CNDP1: variants seen among roughly 807,000 people sequenced by gnomAD.
CNDP1 encodes carnosine dipeptidase 1, also known as beta-Ala-His dipeptidase.
In CNDP1, 44 loss-of-function variants were observed where a neutral mutation model predicts 58.1. That is an observed-to-expected ratio of 0.76 (90% CI 0.60 to 0.97). CNDP1 has a LOEUF of 0.97. CNDP1 is among the 50% of genes least tolerant of loss of function. The probability of loss-of-function intolerance (pLI) is 0.00; values close to 1 mark genes in which losing one functional copy is unlikely to be tolerated. For synonymous variants in CNDP1, 254 were observed against 252.6 expected (o/e 1.01, Z -0.05); for missense variants, 616 against 655.1 (o/e 0.94, Z 0.65).
chr18:74,572,567 C>A (rs1359848506), intron 7 of CNDP1, among the ~76,000 whole-genome samples: 1 of 151,896 alleles, frequency 6.6e-6, no homozygotes, highest in Non-Finnish European at 1.5e-5. Context: ...GTGGGTGGAT[C>A]AGTTGAGCTC....
At position 74,584,583 on chromosome 18, in the gene CNDP1, G is replaced by C; in HGVS notation, c.*21G>C. 1 of 1,587,730 alleles carries C rather than the reference G, an allele frequency of 6.3e-7. No individual in the cohort carries two copies. The highest frequency in any genetic ancestry group is 8.6e-7 in the Non-Finnish European group (1 of 1,156,150). The stretch of plus-strand genomic sequence containing the variant: ...ATTAATCACAAGAACCTTCTAGTCT[G>C]ATCTGATCCACTGACAGATTCACCT... On this transcript the variant is annotated 3_prime_UTR_variant, in exon 12 of 12. Coordinates refer to ENST00000358821, the MANE Select transcript of CNDP1 (RefSeq NM_032649.6).
chr18:74,573,984 A>C (rs1981565160), intron 7 of CNDP1, among the ~76,000 whole-genome samples: 1 of 152,198 alleles, frequency 6.6e-6, no homozygotes, highest in Admixed American at 6.5e-5. Context: ...CATAGTGTTG[A>C]GCTTTAGTGT....
intron 1 of CNDP1, among the ~76,000 whole-genome samples, chr18:74,550,998 G>A (rs984136469): frequency 7.2e-5 from 11 of 152,098 alleles, no homozygotes; most frequent in African/African-American, 1.9e-4. Flanking sequence ...CTCTCATGTC[G>A]AAATGTAATC....
chr18:74,571,364 C>G, intron 7 of CNDP1, 94 bp downstream of exon 7: 2 of 858,768 alleles, frequency 2.3e-6, no homozygotes, highest in Non-Finnish European at 4.0e-6. Context: ...CTTTCTGAAC[C>G]AGCTCTGAAC....
At chr18:74,573,847 G>T (rs1455806357) in intron 7 of CNDP1, among the ~76,000 whole-genome samples, 1 of 152,042 alleles carries the variant, frequency 6.6e-6, no homozygotes, top group Non-Finnish European at 1.5e-5. Context: ...TCGGGCTCAT[G>T]AATGAAGTCA....
At chr18:74,579,987 G>T in intron 9 of CNDP1, 143 bp from the exon 10 acceptor site, 1 of 707,882 alleles carries the variant, frequency 1.4e-6, no homozygotes, top group Admixed American at 2.7e-5. Context: ...CACAACACTT[G>T]CGTGTGTCAG....
chr18:74,558,016 C>G (rs1981086038), intron 2 of CNDP1, among the ~76,000 whole-genome samples: 2 of 152,208 alleles, frequency 1.3e-5, no homozygotes, highest in Admixed American at 1.3e-4. Context: ...ATACCCAAAT[C>G]CACTGAACTT....
chr18:74,584,842 A>T lies in CNDP1; in HGVS notation c.*280A>T, dbSNP rs1202810993. On this transcript the variant is annotated 3_prime_UTR_variant, in exon 12 of 12. Coordinates refer to ENST00000358821, the MANE Select transcript of CNDP1 (RefSeq NM_032649.6). ...TCCTGTGCAATAGCCCCAGGATTGG[A>T]TTCCTTCAAACCTTTTAGCATATCT... 3 of 389,372 alleles carry T rather than the reference A, an allele frequency of 7.7e-6. No homozygotes were observed. Among genetic ancestry groups the T allele is most frequent in the Non-Finnish European group, 1.4e-5 (3 of 214,410 alleles). The allele number at this position is 389,372 out of a possible 1,614,324, so 24.1% of individuals were successfully genotyped here.
intron 2 of CNDP1, among the ~76,000 whole-genome samples, chr18:74,557,307 G>C (rs999435036): frequency 6.6e-6 from 1 of 152,002 alleles, no homozygotes; most frequent in Non-Finnish European, 1.5e-5. Context: ...CTGCGGCCTC[G>C]ACCTCCTGGG....
chr18:74,563,630 T>TG (rs1229507678), intron 5 of CNDP1, among the ~76,000 whole-genome samples: 1 of 152,184 alleles, frequency 6.6e-6, no homozygotes, highest in Non-Finnish European at 1.5e-5. Flanking sequence ...AACATCTCCA[T>TG]GGGGGATGGT....
chr18:74,561,506 A>C (rs1015408683), intron 4 of CNDP1: 17 of 156,054 alleles, frequency 1.1e-4, no homozygotes, highest in African/African-American at 3.8e-4. Flanking sequence ...TGTGAAAAAA[A>C]CGGTAAACTT....
chr18:74,584,438 C>T (rs1277527321), intron 11 of CNDP1, 58 bp from the exon 12 acceptor site: 1 of 1,150,934 alleles, frequency 8.7e-7, no homozygotes, highest in African/African-American at 1.5e-5. Flanking sequence ...GAATATTTTT[C>T]CTCCTTCATT....
In CNDP1 at chr18:74,575,831, A is replaced by ATGTGTGTG. The variant is rs386388202; in HGVS notation, c.842-1014_842-1007dup. On this transcript the variant is annotated intron_variant, in intron 7 of 11. Coordinates refer to ENST00000358821, the MANE Select transcript of CNDP1 (RefSeq NM_032649.6). ...TATGTATGTATGTAGGTGTGTATAC[A>ATGTGTGTG]TGTGTGTGTGTGTGTGTGTGTGTGT... Among the ~76,000 whole-genome samples the ATGTGTGTG allele has an allele frequency of 2.5e-3, 237 of 94,258 alleles. 1 individual carries two copies. The highest frequency in any genetic ancestry group is 0.016 in the Middle Eastern group (3 of 184). The allele number at this position is 94,258 out of a possible 152,430, so 61.8% of individuals were successfully genotyped here. A position where few individuals can be genotyped will look rare whatever the true frequency, so the allele number is the denominator to read the frequency against.
chr18:74,550,856 T>C (rs1204375232), intron 1 of CNDP1, among the ~76,000 whole-genome samples: 1 of 151,980 alleles, frequency 6.6e-6, no homozygotes, highest in Non-Finnish European at 1.5e-5. Flanking sequence ...TGCTTCAGCC[T>C]CCCAAAGTGC....
chr18:74,579,193 C>CCCTTCCCTTG (rs372841750), intron 9 of CNDP1, among the ~76,000 whole-genome samples: 3 of 77,934 alleles, frequency 3.8e-5, no homozygotes, highest in African/African-American at 8.3e-5. Flanking sequence ...CCCTTTCCTT[C>CCCTTCCCTTG]CCTTCCCTTG....
chr18:74,575,867 A>ATT lies in CNDP1; in HGVS notation c.842-983_842-982dup, dbSNP rs34962477. On this transcript the variant is annotated intron_variant, in intron 7 of 11. Coordinates refer to ENST00000358821, the MANE Select transcript of CNDP1 (RefSeq NM_032649.6). ...TGTGTGTGTGTGTGTGTGTGTATAC[A>ATT]TTTTTTTTTTTTTTTTTTTTGAGAC... Among the ~76,000 whole-genome samples, 549 of 94,770 alleles carry ATT rather than the reference A, an allele frequency of 5.8e-3. 26 individuals carry two copies. Among genetic ancestry groups the ATT allele is most frequent in the African/African-American group, 0.011 (257 of 23,360 alleles). 62.2% of individuals were successfully genotyped at this position (94,770 alleles called of 152,430 possible). A position where few individuals can be genotyped will look rare whatever the true frequency, so the allele number is the denominator to read the frequency against.
rs533342778 is a variant in CNDP1, at chr18:74,561,007, C to T, written c.455C>T (p.Thr152Met). 33 of 1,611,952 alleles carry T rather than the reference C, an allele frequency of 2.0e-5. No individual in the cohort carries two copies. Among genetic ancestry groups the T allele is most frequent in the African/African-American group, 2.7e-5 (2 of 74,986 alleles). ...DGWLTDPYVLTEVDGKLYGRG... is the reference protein window; with the variant it reads ...DGWLTDPYVLMEVDGKLYGRG... ...TGGCTCACGGACCCCTATGTGCTGA[C>T]GGAGGTAGACGGTCAGTGAGGCGCC... The change falls in exon 4 of 12, where the codon ACG becomes ATG. Residue 152 changes from threonine to methionine, a missense_variant. Transcript: ENST00000358821.
At position 74,534,622 on chromosome 18, in the gene CNDP1, T is replaced by A. The variant is rs1268566464; in HGVS notation, c.-46T>A. 3 of 1,612,258 alleles carry A rather than the reference T, an allele frequency of 1.9e-6. No individual in the cohort carries two copies. Among genetic ancestry groups the A allele is most frequent in the Non-Finnish European group, 1.7e-6 (2 of 1,178,366 alleles). On this transcript the variant is annotated 5_prime_UTR_variant, in exon 1 of 12. Coordinates refer to ENST00000358821, the MANE Select transcript of CNDP1 (RefSeq NM_032649.6). ...TTCATGGGACTCCCTCTGCCACATT[T>A]TTTGGAGGTTGGGAAAGTTGCTAGA...
At chr18:74,539,436 T>C (rs1408610604) in intron 1 of CNDP1, among the ~76,000 whole-genome samples, 1 of 152,192 alleles carries the variant, frequency 6.6e-6, no homozygotes, top group Admixed American at 6.5e-5. Context: ...GGAGGCTTCC[T>C]CATCTCTCAT....
Sources: allele counts gnomAD v4.1 joint callset (sites outside exome capture counted in the v4.1 genomes callset), GRCh38; gene constraint gnomAD v4.1.1; transcripts MANE v1.5; gene names NCBI Gene and HGNC (gene_info 2026-07-23, HGNC 2026-07-21).